The following GPCPD1 variants were observed in gnomAD, a reference collection of about 807,000 sequenced individuals.
GPCPD1 encodes the protein glycerophosphocholine phosphodiesterase 1.
GPCPD1 carries 29 observed loss-of-function variants against 89.2 expected under a neutral mutation model. The ratio of observed to expected loss-of-function variants is 0.33; its 90% CI spans 0.24 to 0.44. The LOEUF is 0.44. Among genes scored for constraint, GPCPD1 ranks in the 20% least tolerant of loss-of-function variants. GPCPD1 has a pLI of 1.00. For synonymous variants in GPCPD1, 258 were observed against 266.3 expected (o/e 0.97, Z 0.30); for missense variants, 594 against 808.9 (o/e 0.73, Z 3.22).
chr20:5,604,454 G>A lies in GPCPD1; in HGVS notation c.-28-14C>T, dbSNP rs770573845. 3.2e-6 allele frequency: 4 copies of A among 1,255,662 alleles called. No homozygotes were observed. The African/African-American group carries it at 6.0e-5, about 19-fold the overall frequency. The allele number at this position is 1,255,662 out of a possible 1,614,324, so 77.8% of individuals were successfully genotyped here. A position where few individuals can be genotyped will look rare whatever the true frequency, so the allele number is the denominator to read the frequency against. The stretch of plus-strand genomic sequence containing the variant: ...TATGATGTCGTGCTAGGAAAAAAAA[G>A]AAAAGTAACTTATAGTATAAAAATA... On this transcript the variant is annotated splice_polypyrimidine_tract_variant and intron_variant, in intron 1 of 19. Transcript: ENST00000379019.
At chr20:5,566,826 A>C in intron 13 of GPCPD1, 54 bp from the exon 14 acceptor site, 1 of 1,121,684 alleles carries the variant, frequency 8.9e-7, no homozygotes, top group South Asian at 1.3e-5. Context: ...GCTTATGAAG[A>C]GATGGTTAAC....
chr20:5,568,907 C>CAAAT (rs1221130048), intron 12 of GPCPD1, among the ~76,000 whole-genome samples: 10 of 152,136 alleles, frequency 6.6e-5, no homozygotes, highest in East Asian at 1.9e-4. Flanking sequence ...GACTCGGTCT[C>CAAAT]AAATAAATAA....
chr20:5,580,518 G>A (rs960635094), intron 6 of GPCPD1, among the ~76,000 whole-genome samples: 1 of 152,112 alleles, frequency 6.6e-6, no homozygotes, highest in African/African-American at 2.4e-5. Context: ...GAAGTCAGGA[G>A]ATTGAGACCA....
chr20:5,565,085 T>A lies in GPCPD1; in HGVS notation c.1268-7A>T. The A allele has an allele frequency of 5.5e-6, 8 of 1,446,056 alleles. No individual in the cohort carries two copies. Among genetic ancestry groups the A allele is most frequent in the Non-Finnish European group, 7.8e-6 (8 of 1,027,908 alleles). The allele number at this position is 1,446,056 out of a possible 1,614,324, so 89.6% of individuals were successfully genotyped here. ...TCCTCCTGAACCACAGATTCTGAAATTTTAAAACACAAAATCTCAGTAAAT... is the reference window on the plus strand; with the variant it reads ...TCCTCCTGAACCACAGATTCTGAAAATTTAAAACACAAAATCTCAGTAAAT... On this transcript the variant is annotated splice_region_variant and splice_polypyrimidine_tract_variant and intron_variant, in intron 14 of 19. Transcript: ENST00000379019.
intron 4 of GPCPD1, among the ~76,000 whole-genome samples, chr20:5,588,233 G>A (rs1430095153): frequency 6.6e-6 from 1 of 152,190 alleles, no homozygotes; most frequent in Non-Finnish European, 1.5e-5. Flanking sequence ...GGACAGGCAT[G>A]GTGGCTCATG....
chr20:5,607,937 T>C (rs1317906176), intron 1 of GPCPD1, among the ~76,000 whole-genome samples: 1 of 152,052 alleles, frequency 6.6e-6, no homozygotes, highest in East Asian at 1.9e-4. Flanking sequence ...CTTAACCAAA[T>C]AAGGTGCCCT....
Position 5,594,091 on chromosome 20 carries a change from C to T in GPCPD1, c.147-680G>A, listed in dbSNP as rs903961743. On this transcript the variant is annotated intron_variant, in intron 3 of 19. Coordinates refer to ENST00000379019, the MANE Select transcript of GPCPD1 (RefSeq NM_019593.5). Reference sequence around the variant, plus strand: ...TTTGACTCAACAGCTGCCTTAAGGTCAAGAATTCACTACAATTCATTACTG... The same window carrying T: ...TTTGACTCAACAGCTGCCTTAAGGTTAAGAATTCACTACAATTCATTACTG... Among the ~76,000 whole-genome samples, 6 of 152,204 alleles carry T rather than the reference C, an allele frequency of 3.9e-5. No individual in the cohort carries two copies. The East Asian group carries it at 9.6e-4, about 24-fold the overall frequency.
chr20:5,595,416 G>A (rs1979643103), intron 3 of GPCPD1, among the ~76,000 whole-genome samples: 1 of 152,120 alleles, frequency 6.6e-6, no homozygotes, highest in Admixed American at 6.5e-5. Context: ...GCTGAGGTGG[G>A]CGGATCATGA....
In GPCPD1 at chr20:5,567,575, AAAAG is replaced by A. The variant is rs779198578; in HGVS notation, c.1150-19_1150-16del. ...GCATCAAATTTCTAAAAAAAAAAAA[AAAAG>A]AAAGAAAGAAAAAGAAAGAATAAAG... On this transcript the variant is annotated splice_polypyrimidine_tract_variant and intron_variant, in intron 12 of 19. Transcript: ENST00000379019. 1.4e-5 allele frequency: 21 copies of A among 1,537,302 alleles called. No homozygotes were observed. Among genetic ancestry groups the A allele is most frequent in the African/African-American group, 2.8e-5 (2 of 71,164 alleles).
intron 14 of GPCPD1, among the ~76,000 whole-genome samples, chr20:5,566,130 C>T (rs531808358): frequency 2.0e-5 from 3 of 152,204 alleles, no homozygotes; most frequent in African/African-American, 7.2e-5. Flanking sequence ...ATGGTTATCA[C>T]AATTACAGAT....
chr20:5,566,617 G>C (rs1391468973), intron 14 of GPCPD1, 116 bp downstream of exon 14: 1 of 657,026 alleles, frequency 1.5e-6, no homozygotes, highest in East Asian at 2.6e-5. Flanking sequence ...CATTTAGAAG[G>C]CCCAGTATTA....
chr20:5,556,595 T>C (rs1568643415), intron 19 of GPCPD1, among the ~76,000 whole-genome samples: 2 of 152,220 alleles, frequency 1.3e-5, no homozygotes, highest in Admixed American at 6.5e-5. Context: ...ATCGCTGAGG[T>C]ACACCTGTAT....
chr20:5,577,856 G>GT (rs1158283431), intron 8 of GPCPD1, among the ~76,000 whole-genome samples: 1 of 152,214 alleles, frequency 6.6e-6, no homozygotes, highest in Non-Finnish European at 1.5e-5. Context: ...AAGCACTAGT[G>GT]TAAGTATCAC....
At chr20:5,566,620 C>T in intron 14 of GPCPD1, 113 bp downstream of exon 14, 1 of 664,498 alleles carries the variant, frequency 1.5e-6, no homozygotes, top group Non-Finnish European at 2.7e-6. Context: ...TTAGAAGGCC[C>T]AGTATTATAC....
At chr20:5,610,631 A>G (rs1430704874) in intron 1 of GPCPD1, among the ~76,000 whole-genome samples, 1 of 152,076 alleles carries the variant, frequency 6.6e-6, no homozygotes, top group Non-Finnish European at 1.5e-5. Flanking sequence ...GTGAACAATA[A>G]AAGTCGAAGA....
chr20:5,561,163 C>T (rs1986056260), intron 16 of GPCPD1, among the ~76,000 whole-genome samples: 1 of 152,116 alleles, frequency 6.6e-6, no homozygotes, highest in African/African-American at 2.4e-5. Flanking sequence ...AAAGTAAAAA[C>T]TAAATCCAAG....
At position 5,547,694 on chromosome 20, in the gene GPCPD1, A is replaced by G. The variant is rs1300390609; in HGVS notation, c.1986T>C (p.Asp662=). The G allele has an allele frequency of 6.2e-7, 1 of 1,608,486 alleles. No individual in the cohort carries two copies. The highest frequency in any genetic ancestry group is 1.3e-5 in the African/African-American group (1 of 74,904). ...TCTCCACGTTATCAATGCCGTTGGCATCCACATGGATATCAGACTCCCCAC... is the reference window on the plus strand; with the variant it reads ...TCTCCACGTTATCAATGCCGTTGGCGTCCACATGGATATCAGACTCCCCAC... ...SLCGESDIHV[D]ANGIDNVENA The change falls in exon 20 of 20, where the codon GAT becomes GAC. Residue 662 remains aspartate (D), a synonymous_variant. Transcript: ENST00000379019.
In GPCPD1 at chr20:5,575,838, C is replaced by A. The variant is rs776878778; in HGVS notation, c.846G>T (p.Arg282=). The change falls in exon 9 of 20, where the codon CGG becomes CGT. Residue 282 remains arginine (R), a synonymous_variant. Transcript: ENST00000379019. ...TACCTCTCACTTTGCCTATTGTTTT[C>A]CGGGAATTTCTGCTCATGATGGGAA... ...LTLPIMSRNS[R]KTIGKVRVDY... is the part of the protein sequence containing the mutation. 20 of 1,610,104 alleles carry A rather than the reference C, an allele frequency of 1.2e-5. No individual in the cohort carries two copies. Among genetic ancestry groups the A allele is most frequent in the Non-Finnish European group, 1.7e-5 (20 of 1,177,618 alleles).
chr20:5,558,038 C>T lies in GPCPD1; in HGVS notation c.1736G>A (p.Gly579Glu). The change falls in exon 19 of 20, where the codon GGA (glycine) becomes GAA (glutamate). Residue 579 changes from glycine to glutamate, a missense_variant. Gly to Glu is a moderately conservative substitution (Grantham distance 98). Coordinates refer to ENST00000379019, the MANE Select transcript of GPCPD1 (RefSeq NM_019593.5). ...PSYIQEAKAK[G>E]LVIFCWGDDT... ...ATCACCCCAGCAGAATATGACTAGT[C>T]CCTTAGCTTTTGCCTCTTGAATATA... is the stretch of plus-strand genomic sequence containing the variant. 2 of 1,596,924 alleles carry T rather than the reference C, an allele frequency of 1.3e-6. No individual in the cohort carries two copies. The highest frequency in any genetic ancestry group is 2.2e-5 in the South Asian group (2 of 90,604).
Sources: gnomAD v4.1 joint callset for allele counts (sites outside exome capture counted in the v4.1 genomes callset) on GRCh38, gnomAD v4.1.1 for gene constraint, MANE v1.5 for transcripts, NCBI Gene and HGNC (gene_info 2026-07-23, HGNC 2026-07-21) for gene names.